The following ABCB11 variants were observed in gnomAD, a reference collection of about 807,000 sequenced individuals.
ABCB11 encodes bile salt export pump.
A neutral mutation model predicts 148.0 loss-of-function variants in ABCB11; 95 were observed. That is an observed-to-expected ratio of 0.64 (90% CI 0.54 to 0.76). The LOEUF is 0.76. ABCB11 is among the 30% of genes least tolerant of loss of function. ABCB11 has a pLI of 0.00. For synonymous variants in ABCB11, 591 were observed against 555.4 expected, an observed-to-expected ratio of 1.06 and a Z score of -0.90; for missense variants, 1,523 against 1,617.8, an observed-to-expected ratio of 0.94 and a Z score of 1.01.
chr2:168,971,399 GAT>G (rs1027988989), intron 14 of ABCB11, among the ~76,000 whole-genome samples: 3 of 151,996 alleles, frequency 2.0e-5, no homozygotes, highest in Admixed American at 2.0e-4. Flanking sequence ...TTAGAATGGA[GAT>G]ATACAATGAA....
chr2:169,016,996 A>ACACACACT (rs1268849126), intron 2 of ABCB11, among the ~76,000 whole-genome samples, 197 bp from the exon 3 acceptor site: 1 of 146,930 alleles, frequency 6.8e-6, no homozygotes, highest in Non-Finnish European at 1.5e-5. Flanking sequence ...ACACACACAC[A>ACACACACT]CACACACACA....
intron 2 of ABCB11, 42 bp downstream of exon 2, chr2:169,018,008 C>A: frequency 6.5e-7 from 1 of 1,543,760 alleles, no homozygotes; most frequent in South Asian, 1.1e-5. Context: ...TTGTTCTCAC[C>A]TCTCCTTGTA....
intron 23 of ABCB11, 40 bp downstream of exon 23, chr2:168,935,143 TG>T (rs1559183223): frequency 2.5e-6 from 4 of 1,610,232 alleles, no homozygotes; most frequent in Non-Finnish European, 2.5e-6. Context: ...ATTCCTTCCT[TG>T]TGTGTTGATC....
rs1395570193 is a variant in ABCB11 at position 168,921,492 on chromosome 2, G to C, written c.*2130C>G. ...ATTTCTGTGACAAGAGCTCTTTTTT[G>C]TATGTTCACTTTTATTGATTCCTGT... On this transcript the variant is annotated 3_prime_UTR_variant, in exon 28 of 28. Coordinates refer to ENST00000650372, the MANE Select transcript of ABCB11 (RefSeq NM_003742.4). Among the ~76,000 whole-genome samples the C allele has an allele frequency of 1.3e-5, 2 of 152,064 alleles. No homozygotes were observed. Among genetic ancestry groups the C allele is most frequent in the African/African-American group, 4.8e-5 (2 of 41,390 alleles).
At chr2:169,010,537 G>T (rs116881431) in intron 5 of ABCB11, among the ~76,000 whole-genome samples, 1 of 152,170 alleles carries the variant, frequency 6.6e-6, no homozygotes, top group South Asian at 2.1e-4. Flanking sequence ...TTATTGGGTT[G>T]TCTTGTATAT....
intron 3 of ABCB11, among the ~76,000 whole-genome samples, chr2:169,015,877 T>C (rs993824597): frequency 2.0e-5 from 3 of 152,168 alleles, no homozygotes; most frequent in Non-Finnish European, 2.9e-5. Flanking sequence ...TACAATAGTG[T>C]CTGATACCAA....
Position 168,935,233 on chromosome 2 carries a change from C to T in ABCB11, c.3007G>A (p.Gly1003Arg). The T allele has an allele frequency of 6.2e-7, 1 of 1,613,936 alleles. No individual in the cohort carries two copies. The highest frequency in any genetic ancestry group is 8.5e-7 in the Non-Finnish European group (1 of 1,179,886). Reference protein sequence around the residue: ...FIANSASYRYGGYLISNEGLH... With the variant: ...FIANSASYRYRGYLISNEGLH... ...CCCTCATTGGAGATTAAGTAACCTC[C>T]ATATCTGTAGGAAGCAGAATTCGCA... Residue 1003 changes from glycine to arginine, a missense_variant, in exon 23 of 28, where the codon GGA (glycine) becomes AGA (arginine). By Grantham distance (125) the Gly-to-Arg change is moderately radical. Coordinates refer to ENST00000650372, the MANE Select transcript of ABCB11 (RefSeq NM_003742.4).
At chr2:169,029,345 G>C (rs760422844) in intron 1 of ABCB11, among the ~76,000 whole-genome samples, 50 of 150,082 alleles carry the variant, frequency 3.3e-4, no homozygotes, top group Non-Finnish European at 6.9e-4. Context: ...GGATACTTTT[G>C]TTATTATCAG....
intron 12 of ABCB11, 150 bp from the exon 13 acceptor site, chr2:168,973,990 A>G (rs977644511): frequency 2.4e-6 from 2 of 827,652 alleles, no homozygotes; most frequent in Middle Eastern, 3.9e-4. Context: ...GAAATCCATC[A>G]AAAACCAGTA....
At chr2:168,999,869 T>C (rs1694820200) in intron 5 of ABCB11, among the ~76,000 whole-genome samples, 1 of 152,134 alleles carries the variant, frequency 6.6e-6, no homozygotes, top group Non-Finnish European at 1.5e-5. Context: ...CATATGGTAG[T>C]TGAGTGTTTA....
At chr2:168,981,146 T>C (rs1321280981) in intron 10 of ABCB11, among the ~76,000 whole-genome samples, 2 of 152,192 alleles carry the variant, frequency 1.3e-5, no homozygotes, top group Admixed American at 6.5e-5. Context: ...GAGTCTCTCC[T>C]GCTTCTCTTT....
intron 9 of ABCB11, among the ~76,000 whole-genome samples, chr2:168,988,814 T>C (rs1694417197): frequency 6.6e-6 from 1 of 152,158 alleles, no homozygotes; most frequent in African/African-American, 2.4e-5. Flanking sequence ...TTCTTACAGG[T>C]ATAAGATGAT....
rs189708695 is a variant in ABCB11 at position 168,961,266 on chromosome 2, C to G, written c.2178+2940G>C. 1.3e-4 allele frequency among the ~76,000 whole-genome samples: 19 copies of G among 151,860 alleles called. 1 individual carries two copies. The East Asian group carries it at 3.7e-3, about 30-fold the overall frequency. Reference sequence around the variant, plus strand: ...TGTAGGCCAGAGGAAAAATAACCTCCGACTTAAATCTTAGGTCTTGCTTTC... The same window carrying G: ...TGTAGGCCAGAGGAAAAATAACCTCGGACTTAAATCTTAGGTCTTGCTTTC... On this transcript the variant is annotated intron_variant, in intron 18 of 27. Coordinates refer to ENST00000650372, the MANE Select transcript of ABCB11 (RefSeq NM_003742.4).
chr2:168,955,508 A>T (rs1692749805), intron 19 of ABCB11, among the ~76,000 whole-genome samples: 1 of 151,646 alleles, frequency 6.6e-6, no homozygotes, highest in Non-Finnish European at 1.5e-5. Flanking sequence ...CACTATTATG[A>T]GAACAGCAAG....
chr2:169,003,323 CGTGTGTGTGTGT>C (rs139250976), intron 5 of ABCB11, among the ~76,000 whole-genome samples: 4 of 141,632 alleles, frequency 2.8e-5, no homozygotes, highest in African/African-American at 1.0e-4. Context: ...TTCCATGGTG[CGTGTGTGTGTGT>C]GTGTGTGTGT....
chr2:168,953,677 C>T (rs756747517), intron 19 of ABCB11, among the ~76,000 whole-genome samples: 2 of 151,324 alleles, frequency 1.3e-5, no homozygotes, highest in Non-Finnish European at 3.0e-5. Flanking sequence ...GACATTTAAT[C>T]CATTTACATT....
At chr2:169,012,730 C>T (rs1008742380) in intron 5 of ABCB11, among the ~76,000 whole-genome samples, 8 of 144,220 alleles carry the variant, frequency 5.5e-5, no homozygotes, top group Admixed American at 5.5e-4. Flanking sequence ...AAAAAGGAGA[C>T]TCCATCTTAA....
chr2:169,001,344 G>A (rs887703504), intron 5 of ABCB11, among the ~76,000 whole-genome samples: 1 of 152,072 alleles, frequency 6.6e-6, no homozygotes, highest in Non-Finnish European at 1.5e-5. Context: ...ACATTCCTTA[G>A]CCATTCTTTT....
chr2:168,961,231 A>C (rs1171480204), intron 18 of ABCB11, among the ~76,000 whole-genome samples: 1 of 151,722 alleles, frequency 6.6e-6, no homozygotes, highest in Non-Finnish European at 1.5e-5. Flanking sequence ...TTCCTTTCTT[A>C]CATCTTCTGT....
Sources: gnomAD v4.1 joint callset for allele counts (sites outside exome capture counted in the v4.1 genomes callset) on GRCh38, gnomAD v4.1.1 for gene constraint, MANE v1.5 for transcripts, NCBI Gene and HGNC (gene_info 2026-07-23, HGNC 2026-07-21) for gene names.